Variants in BICC1 observed in about 807,000 individuals in gnomAD.
BICC1 encodes the protein protein bicaudal C homolog 1.
BICC1 carries 43 observed loss-of-function variants against 111.0 expected under a neutral mutation model. The ratio of observed to expected loss-of-function variants is 0.39; its 90% CI spans 0.30 to 0.50. The LOEUF (loss-of-function observed/expected upper bound fraction) is 0.50. Among genes scored for constraint, BICC1 ranks in the 20% least tolerant of loss-of-function variants. The pLI, the probability that BICC1 is intolerant of heterozygous loss-of-function variation, is 0.88. For missense variants in BICC1, 1,091 were observed against 1,203.2 expected (o/e 0.91, Z 1.38); for synonymous variants, 467 against 434.4 (o/e 1.07, Z -0.93).
intron 2 of BICC1, among the ~76,000 whole-genome samples, chr10:58,683,594 C>G (rs1238699400): frequency 6.6e-6 from 1 of 152,150 alleles, no homozygotes; most frequent in Non-Finnish European, 1.5e-5. Context: ...AGAGGTCCTT[C>G]ACAAACTTTT....
intron 2 of BICC1, among the ~76,000 whole-genome samples, chr10:58,683,285 G>T (rs1353881857): frequency 6.6e-6 from 1 of 152,148 alleles, no homozygotes; most frequent in Non-Finnish European, 1.5e-5. Flanking sequence ...GGTTACCATA[G>T]CCTTGTAATA....
At chr10:58,570,703 A>G (rs941158405) in intron 1 of BICC1, among the ~76,000 whole-genome samples, 3 of 152,190 alleles carry the variant, frequency 2.0e-5, no homozygotes, top group Non-Finnish European at 4.4e-5. Context: ...ATTTGCACAA[A>G]TACAGTTTGG....
At chr10:58,599,863 C>T (rs1844967515) in intron 1 of BICC1, among the ~76,000 whole-genome samples, 1 of 151,822 alleles carries the variant, frequency 6.6e-6, no homozygotes, top group Non-Finnish European at 1.5e-5. Flanking sequence ...CTGATTGTCC[C>T]CCAAACATCA....
chr10:58,727,512 G>A (rs1368740202), intron 3 of BICC1, among the ~76,000 whole-genome samples: 1 of 151,928 alleles, frequency 6.6e-6, no homozygotes, highest in Non-Finnish European at 1.5e-5. Flanking sequence ...ACTTAAGCTC[G>A]GGAGACTGAG....
intron 2 of BICC1, among the ~76,000 whole-genome samples, chr10:58,684,677 T>G (rs1839654195): frequency 6.6e-6 from 1 of 152,236 alleles, no homozygotes; most frequent in South Asian, 2.1e-4. Flanking sequence ...GTGTTTATAG[T>G]ATTCTCTGAT....
At chr10:58,639,030 T>C (rs145005169) in intron 2 of BICC1, among the ~76,000 whole-genome samples, 305 of 151,708 alleles carry the variant, frequency 2.0e-3, no homozygotes, top group African/African-American at 7.0e-3. Context: ...GTGGAATAGC[T>C]AAATCAAGCT....
chr10:58,634,297 G>A (rs572597363), intron 2 of BICC1, among the ~76,000 whole-genome samples: 187 of 152,154 alleles, frequency 1.2e-3, no homozygotes, highest in African/African-American at 4.1e-3. Flanking sequence ...TGGCCTAGGG[G>A]CAGATTTTCA....
At chr10:58,608,575 C>T (rs1216259783) in intron 1 of BICC1, among the ~76,000 whole-genome samples, 2 of 152,178 alleles carry the variant, frequency 1.3e-5, no homozygotes, top group South Asian at 4.1e-4. Flanking sequence ...TGTGCTTAAT[C>T]ATCTGTGACT....
chr10:58,821,584 C>T (rs1196014868), intron 20 of BICC1, among the ~76,000 whole-genome samples: 1 of 152,134 alleles, frequency 6.6e-6, no homozygotes, highest in Non-Finnish European at 1.5e-5. Context: ...CATTGAGCTT[C>T]CTGGTGGCAG....
chr10:58,814,949 T>G (rs1408470362), intron 18 of BICC1, among the ~76,000 whole-genome samples: 1 of 152,140 alleles, frequency 6.6e-6, no homozygotes, highest in Non-Finnish European at 1.5e-5. Flanking sequence ...AGGAAAAAAT[T>G]AACTTATTAC....
intron 2 of BICC1, among the ~76,000 whole-genome samples, chr10:58,656,603 T>C (rs939447324): frequency 3.3e-5 from 5 of 151,802 alleles, no homozygotes; most frequent in Non-Finnish European, 1.5e-5. Context: ...AAAAACCACA[T>C]GATTATCTCA....
chr10:58,618,353 A>G (rs117948686), intron 1 of BICC1, among the ~76,000 whole-genome samples: 3,904 of 152,358 alleles, frequency 0.026, 78 homozygotes, highest in Non-Finnish European at 0.035. Context: ...CACTCCTTAC[A>G]TAACCACGTC....
At chr10:58,723,034 T>C (rs924453114) in intron 3 of BICC1, among the ~76,000 whole-genome samples, 6 of 152,234 alleles carry the variant, frequency 3.9e-5, no homozygotes, top group Non-Finnish European at 7.3e-5. Flanking sequence ...AAATAACTGA[T>C]TTCAATTTCT....
intron 8 of BICC1, among the ~76,000 whole-genome samples, chr10:58,792,852 C>G (rs548015203): frequency 5.1e-4 from 78 of 152,158 alleles, no homozygotes; most frequent in Non-Finnish European, 9.0e-4. Flanking sequence ...CCCCTTCCCT[C>G]CCCCTCCCCT....
chr10:58,796,306 G>A, intron 9 of BICC1, 34 bp from the exon 10 acceptor site: 1 of 1,590,596 alleles, frequency 6.3e-7, no homozygotes, highest in African/African-American at 1.3e-5. Flanking sequence ...CTACTTGCAT[G>A]TCACCTTTTT....
intron 3 of BICC1, among the ~76,000 whole-genome samples, chr10:58,738,422 G>C (rs1331194864): frequency 2.6e-5 from 4 of 152,000 alleles, no homozygotes; most frequent in South Asian, 2.1e-4. Flanking sequence ...GTTTCTGAGG[G>C]CTCTGTTCTG....
chr10:58,826,756 CAAAAAGA>C (rs1844410935), intron 20 of BICC1, among the ~76,000 whole-genome samples: 1 of 151,940 alleles, frequency 6.6e-6, no homozygotes, highest in Admixed American at 6.6e-5. Flanking sequence ...GAGACTGTCC[CAAAAAGA>C]AAAAAGAAGA....
intron 3 of BICC1, among the ~76,000 whole-genome samples, chr10:58,751,755 G>C (rs907007990): frequency 6.6e-6 from 1 of 151,822 alleles, no homozygotes; most frequent in African/African-American, 2.4e-5. Flanking sequence ...ATTTTGTTTA[G>C]GAGAGACAAA....
intron 20 of BICC1, among the ~76,000 whole-genome samples, chr10:58,827,860 C>G (rs1844444091): frequency 1.3e-5 from 2 of 152,170 alleles, no homozygotes; most frequent in Admixed American, 1.3e-4. Context: ...TGAGCCTCTA[C>G]TATGCCTGAA....
Sources: allele counts gnomAD v4.1 joint callset (sites outside exome capture counted in the v4.1 genomes callset), GRCh38; gene constraint gnomAD v4.1.1; transcripts MANE v1.5; gene names NCBI Gene and HGNC (gene_info 2026-07-23, HGNC 2026-07-21).